The following VPS9D1 variants were observed in gnomAD, a reference collection of about 807,000 sequenced individuals.
The protein encoded by VPS9D1 is VPS9 domain containing 1, also known as VPS9 domain-containing protein 1.
In VPS9D1, 78 loss-of-function variants were observed where a neutral mutation model predicts 75.8. That is an observed-to-expected ratio of 1.03 (90% CI 0.86 to 1.24). The LOEUF (loss-of-function observed/expected upper bound fraction) is 1.24, where lower values mean the gene tolerates loss of function less well. Ranked by LOEUF, VPS9D1 falls within the 50% of genes most tolerant of loss-of-function variation. VPS9D1 has a pLI of 0.00. For missense variants in VPS9D1, 1,057 were observed against 847.7 expected (o/e 1.25, Z -3.07); for synonymous variants, 481 against 385.6 (o/e 1.25, Z -2.90).
intron 10 of VPS9D1, 105 bp downstream of exon 10, chr16:89,710,481 C>G (rs915703241): frequency 6.3e-5 from 80 of 1,279,716 alleles, no homozygotes; most frequent in Non-Finnish European, 8.2e-5. Context: ...TAAGTCTGAT[C>G]AGAGTCTCTG....
In VPS9D1 at chr16:89,709,819, G is replaced by C; in HGVS notation, c.1346C>G (p.Pro449Arg). 1 of 1,613,728 alleles carries C rather than the reference G, an allele frequency of 6.2e-7. No homozygotes were observed. The highest frequency in any genetic ancestry group is 8.5e-7 in the Non-Finnish European group (1 of 1,179,946). The change falls in exon 11 of 15, where the codon CCC becomes CGC. Residue 449 changes from proline to arginine, a missense_variant. Coordinates refer to ENST00000389386, the MANE Select transcript of VPS9D1 (RefSeq NM_004913.3). Reference protein sequence around the residue: ...KDRCLACIEEPFFSPLWPLLL... With the variant: ...KDRCLACIEERFFSPLWPLLL... ...CAGAGGCCACAGCGGGGAGAAAAAGGGTTCCTCAATGCAGGCCAGGCAGCG... is the reference window on the plus strand; with the variant it reads ...CAGAGGCCACAGCGGGGAGAAAAAGCGTTCCTCAATGCAGGCCAGGCAGCG...
chr16:89,720,721 G>A (rs1397192844), intron 1 of VPS9D1, 42 bp downstream of exon 1: 4 of 1,411,838 alleles, frequency 2.8e-6, no homozygotes, highest in Non-Finnish European at 3.7e-6. Context: ...TCCCTCCAGG[G>A]GCCACCCTCA....
chr16:89,720,587 C>A, intron 1 of VPS9D1, 176 bp downstream of exon 1: 1 of 1,224,314 alleles, frequency 8.2e-7, no homozygotes, highest in Non-Finnish European at 1.0e-6. Context: ...TCCAAGGTCA[C>A]TGCACGCCCG....
intron 2 of VPS9D1, chr16:89,717,817 C>T (rs1292747330): frequency 4.4e-6 from 2 of 456,700 alleles, no homozygotes; most frequent in African/African-American, 4.0e-5. Flanking sequence ...GCTGGGGCAA[C>T]TGTTAGCTCC....
intron 1 of VPS9D1, 42 bp downstream of exon 1, chr16:89,720,721 G>C: frequency 7.1e-7 from 1 of 1,411,946 alleles, no homozygotes; most frequent in Non-Finnish European, 9.3e-7. Flanking sequence ...TCCCTCCAGG[G>C]GCCACCCTCA....
intron 1 of VPS9D1, 55 bp from the exon 2 acceptor site, chr16:89,719,157 A>G: frequency 3.9e-6 from 6 of 1,547,394 alleles, no homozygotes; most frequent in Non-Finnish European, 5.4e-6. Context: ...AAGTGACTCC[A>G]TTATTCCGGC....
At chr16:89,718,888 G>C in intron 2 of VPS9D1, 139 bp downstream of exon 2, 1 of 692,784 alleles carries the variant, frequency 1.4e-6, no homozygotes, top group Non-Finnish European at 2.4e-6. Context: ...TGATTTTTTA[G>C]ATTTTTAGTA....
chr16:89,712,862 A>G, intron 4 of VPS9D1, 146 bp from the exon 5 acceptor site: 1 of 653,464 alleles, frequency 1.5e-6, no homozygotes, highest in Non-Finnish European at 2.4e-6. Context: ...GGGCTGCAAC[A>G]TCTGCCCCTT....
At chr16:89,711,525 A>G in intron 8 of VPS9D1, 113 bp from the exon 9 acceptor site, 1 of 1,062,080 alleles carries the variant, frequency 9.4e-7, no homozygotes, top group South Asian at 1.6e-5. Flanking sequence ...CCTGGGGTGC[A>G]GGAGACCCAG....
At chr16:89,712,364 G>A in intron 6 of VPS9D1, 96 bp downstream of exon 6, 1 of 1,557,940 alleles carries the variant, frequency 6.4e-7, no homozygotes. Flanking sequence ...CCCGACCCCG[G>A]AACCTCCGCT....
chr16:89,712,856 T>A, intron 4 of VPS9D1, 140 bp from the exon 5 acceptor site: 1 of 685,492 alleles, frequency 1.5e-6, no homozygotes, highest in Non-Finnish European at 2.3e-6. Flanking sequence ...TGGGGTGGGC[T>A]GCAACATCTG....
At chr16:89,718,081 G>A (rs1297776333) in intron 2 of VPS9D1, 2 of 454,204 alleles carry the variant, frequency 4.4e-6, no homozygotes, top group African/African-American at 4.0e-5. Flanking sequence ...TGTGCTCTAT[G>A]TCCAGTGGCT....
rs1041148620 is a variant in VPS9D1, at chr16:89,720,786, G to A, written c.76C>T (p.Leu26=). The change falls in exon 1 of 15, where the codon CTG becomes TTG. Residue 26 remains leucine, a synonymous_variant. Transcript: ENST00000389386. ...AMKLANGAIE[L]DTGNRPREAY... is the part of the protein sequence containing the mutation. The stretch of plus-strand genomic sequence containing the variant: ...ACCCGGGGCCGGTTGCCGGTGTCCA[G>A]CTCGATGGCCCCGTTGGCAAGCTTC... 6.2e-6 allele frequency: 9 copies of A among 1,459,010 alleles called. No homozygotes were observed. The South Asian group carries it at 9.3e-5, about 15-fold the overall frequency. 90.4% of individuals were successfully genotyped at this position (1,459,010 alleles called of 1,614,324 possible). A position where few individuals can be genotyped will look rare whatever the true frequency, so the allele number is the denominator to read the frequency against.
At chr16:89,718,132 C>G (rs2061133433) in intron 2 of VPS9D1, 1 of 447,674 alleles carries the variant, frequency 2.2e-6, no homozygotes, top group Admixed American at 2.4e-5. Context: ...GGCTGCTGGC[C>G]TCTCAAACTT....
rs948817331 is a variant in VPS9D1 at position 89,710,950 on chromosome 16, G to A, written c.894C>T (p.Ala298=). 2 of 1,471,224 alleles carry A rather than the reference G, an allele frequency of 1.4e-6. No individual in the cohort carries two copies. Among genetic ancestry groups the A allele is most frequent in the African/African-American group, 1.4e-5 (1 of 71,044 alleles). 91.1% of individuals were successfully genotyped at this position (1,471,224 alleles called of 1,614,324 possible). A position where few individuals can be genotyped will look rare whatever the true frequency, so the allele number is the denominator to read the frequency against. Reference sequence around the variant, plus strand: ...CTGCTCTGCTCACGGCGGGATACAGGGCGCTGTACACGGAGCACTGCAGCC... The same window carrying A: ...CTGCTCTGCTCACGGCGGGATACAGAGCGCTGTACACGGAGCACTGCAGCC... ...LRRLQCSVYS[A]LYPAVSRAAA... is the part of the protein sequence containing the mutation. Residue 298 remains alanine (A), a synonymous_variant, in exon 10 of 15, where the codon GCC becomes GCT. Coordinates refer to ENST00000389386, the MANE Select transcript of VPS9D1 (RefSeq NM_004913.3).
At chr16:89,719,841 C>T (rs1240274997) in intron 1 of VPS9D1, among the ~76,000 whole-genome samples, 1 of 152,252 alleles carries the variant, frequency 6.6e-6, no homozygotes, top group South Asian at 2.1e-4. Flanking sequence ...CCCTCAGCCT[C>T]CCAAGGAGCT....
chr16:89,708,871 G>C lies in VPS9D1; in HGVS notation c.1683C>G (p.Ile561Met), dbSNP rs768702892. Residue 561 changes from isoleucine (I) to methionine (M), a missense_variant, in exon 13 of 15, where the codon ATC becomes ATG. Coordinates refer to ENST00000389386, the MANE Select transcript of VPS9D1 (RefSeq NM_004913.3). ...EATPQAGPPPIAAAAIGADDL... is the reference protein window; with the variant it reads ...EATPQAGPPPMAAAAIGADDL... ...CTGGGACTCACATGGCAGCTGCAGCGATGGGCGGGGGCCCGGCCTGGGGTG... is the reference window on the plus strand; with the variant it reads ...CTGGGACTCACATGGCAGCTGCAGCCATGGGCGGGGGCCCGGCCTGGGGTG... The C allele has an allele frequency of 1.3e-6, 2 of 1,582,352 alleles. No homozygotes were observed. The highest frequency in any genetic ancestry group is 8.5e-7 in the Non-Finnish European group (1 of 1,171,366).
rs1312961480 is a variant in VPS9D1, at chr16:89,709,376, G to A, written c.1448C>T (p.Ala483Val). 3.8e-6 allele frequency: 6 copies of A among 1,565,838 alleles called. No individual in the cohort carries two copies. In the Admixed American group the frequency reaches 5.4e-5, roughly 14 times the overall value. ...LSRSMELYRN[A>V]PPTAIGIPTK... is the part of the protein sequence containing the mutation. ...GGGGATGCCAATGGCGGTGGGGGGT[G>A]CATTCCTGTAGAGCTCCATGCTCCT... is the stretch of plus-strand genomic sequence containing the variant. The change falls in exon 12 of 15, where the codon GCA (alanine) becomes GTA (valine). Residue 483 changes from alanine to valine, a missense_variant. Transcript: ENST00000389386.
chr16:89,711,781 A>C (rs1431151505), intron 8 of VPS9D1, 101 bp downstream of exon 8: 29 of 1,256,054 alleles, frequency 2.3e-5, no homozygotes, highest in Non-Finnish European at 2.8e-5. Context: ...TGCCCCCCAC[A>C]GCCTCTGGCT....
Sources: allele counts gnomAD v4.1 joint callset (sites outside exome capture counted in the v4.1 genomes callset), GRCh38; gene constraint gnomAD v4.1.1; transcripts MANE v1.5; gene names NCBI Gene and HGNC (gene_info 2026-07-23, HGNC 2026-07-21).